The following ATP8A1 variants were observed in gnomAD, a reference collection of about 807,000 sequenced individuals.
ATP8A1 encodes ATPase phospholipid transporting 8A1.
ATP8A1 carries 90 observed loss-of-function variants against 177.7 expected under a neutral mutation model. The ratio of observed to expected loss-of-function variants is 0.51; its 90% CI spans 0.43 to 0.60. ATP8A1 has a LOEUF of 0.60. Ranked by LOEUF, ATP8A1 falls within the 20% of genes least tolerant of loss-of-function variation. ATP8A1 has a pLI of 0.00. For missense variants in ATP8A1, 1,072 were observed against 1,392.8 expected (o/e 0.77, Z 3.67); for synonymous variants, 493 against 485.9 (o/e 1.01, Z -0.19).
chr4:42,654,769 C>A (rs12502496), intron 1 of ATP8A1, among the ~76,000 whole-genome samples: 15,239 of 152,220 alleles, frequency 0.1, 1,119 homozygotes, highest in African/African-American at 0.2. Flanking sequence ...AATTGGTTGA[C>A]CCTGGGTCAG....
intron 24 of ATP8A1, among the ~76,000 whole-genome samples, chr4:42,497,235 T>C (rs774231316): frequency 2.0e-5 from 3 of 152,184 alleles, no homozygotes; most frequent in East Asian, 3.8e-4. Flanking sequence ...AAAGTCTCTA[T>C]CTGGAACTGA....
chr4:42,573,164 A>G (rs894742762), intron 14 of ATP8A1, among the ~76,000 whole-genome samples: 1 of 152,246 alleles, frequency 6.6e-6, no homozygotes, highest in African/African-American at 2.4e-5. Context: ...TTCACAATCA[A>G]TAATTACTAA....
intron 24 of ATP8A1, among the ~76,000 whole-genome samples, chr4:42,487,653 G>T (rs928979817): frequency 6.6e-6 from 1 of 151,756 alleles, no homozygotes; most frequent in Non-Finnish European, 1.5e-5. Flanking sequence ...TATATATATG[G>T]TCATTTTGTA....
intron 30 of ATP8A1, among the ~76,000 whole-genome samples, chr4:42,450,692 G>A (rs747124330): frequency 6.6e-6 from 1 of 152,162 alleles, no homozygotes; most frequent in Non-Finnish European, 1.5e-5. Flanking sequence ...TGCCTTCTTT[G>A]TAATACTCAC....
chr4:42,516,405 A>G (rs181149374), intron 22 of ATP8A1, among the ~76,000 whole-genome samples: 12 of 152,234 alleles, frequency 7.9e-5, no homozygotes, highest in African/African-American at 2.9e-4. Flanking sequence ...CATTAAAAAA[A>G]AAAGTTTCCC....
Position 42,411,228 on chromosome 4 carries a change from C to A in ATP8A1, c.*1688G>T, listed in dbSNP as rs1712566263. 1 of 152,042 alleles carries A rather than the reference C, an allele frequency of 6.6e-6. No homozygotes were observed. The highest frequency in any genetic ancestry group is 1.5e-5 in the Non-Finnish European group (1 of 68,006). 9.4% of individuals were successfully genotyped at this position (152,042 alleles called of 1,614,324 possible). On this transcript the variant is annotated 3_prime_UTR_variant, in exon 37 of 37. Coordinates refer to ENST00000381668, the MANE Select transcript of ATP8A1 (RefSeq NM_006095.2). ...CTCTTATTTGTAGAAAATGGAGAGGCATACTGGTAACTAAGGAGCTACAAA... is the reference window on the plus strand; with the variant it reads ...CTCTTATTTGTAGAAAATGGAGAGGAATACTGGTAACTAAGGAGCTACAAA...
chr4:42,425,350 T>C (rs1714472948), intron 33 of ATP8A1, among the ~76,000 whole-genome samples: 1 of 152,168 alleles, frequency 6.6e-6, no homozygotes, highest in South Asian at 2.1e-4. Context: ...ATGCTAACGA[T>C]GAATGGAGGA....
At position 42,549,067 on chromosome 4, in the gene ATP8A1, GAAGAA is replaced by G. The variant is rs1242585513; in HGVS notation, c.1603-10_1603-6del. Reference sequence around the variant, plus strand: ...ATATCTTTCTTCCTGCCCCAGCTAAGAAGAAAAGGAATATATAATTACATACAGTT... The same window carrying G: ...ATATCTTTCTTCCTGCCCCAGCTAAGAAGGAATATATAATTACATACAGTT... On this transcript the variant is annotated splice_polypyrimidine_tract_variant and splice_region_variant and intron_variant, in intron 18 of 36. Transcript: ENST00000381668. The G allele has an allele frequency of 6.2e-7, 1 of 1,605,882 alleles. No individual in the cohort carries two copies. Among genetic ancestry groups the G allele is most frequent in the Non-Finnish European group, 8.5e-7 (1 of 1,173,928 alleles).
intron 4 of ATP8A1, 141 bp from the exon 5 acceptor site, chr4:42,616,219 C>G (rs750584091): frequency 6.5e-5 from 45 of 695,914 alleles, no homozygotes; most frequent in Middle Eastern, 4.0e-4. Context: ...TTAAAGTATA[C>G]ATTGATGGAG....
intron 20 of ATP8A1, 84 bp downstream of exon 20, chr4:42,543,831 CTG>C: frequency 1.1e-6 from 1 of 938,500 alleles, no homozygotes. Context: ...TGTTAAACAT[CTG>C]TGTTACATTT....
chr4:42,497,519 G>A (rs907463090), intron 24 of ATP8A1, among the ~76,000 whole-genome samples: 1 of 152,096 alleles, frequency 6.6e-6, no homozygotes, highest in African/African-American at 2.4e-5. Flanking sequence ...CAGAAATTTA[G>A]CCAAAAATGA....
intron 25 of ATP8A1, among the ~76,000 whole-genome samples, chr4:42,470,868 T>C (rs1720319623): frequency 6.6e-6 from 1 of 152,158 alleles, no homozygotes; most frequent in Non-Finnish European, 1.5e-5. Context: ...CTGCTGTGCT[T>C]TTCTTTGCAA....
chr4:42,457,387 A>G lies in ATP8A1; in HGVS notation c.2620-1788T>C, dbSNP rs148682322. Among the ~76,000 whole-genome samples the G allele has an allele frequency of 4.8e-3, 733 of 152,312 alleles. 22 individuals are homozygous for G. Among genetic ancestry groups the G allele is most frequent in the Admixed American group, 0.043 (657 of 15,296 alleles). Reference sequence around the variant, plus strand: ...GATGGGGCTATTTTCCATGAAGGCAACTGTGATCTATTGTAGTAATTCATT... The same window carrying G: ...GATGGGGCTATTTTCCATGAAGGCAGCTGTGATCTATTGTAGTAATTCATT... On this transcript the variant is annotated intron_variant, in intron 27 of 36. Transcript: ENST00000381668.
At chr4:42,588,006 C>T (rs1485697375) in intron 8 of ATP8A1, among the ~76,000 whole-genome samples, 1 of 152,184 alleles carries the variant, frequency 6.6e-6, no homozygotes, top group Non-Finnish European at 1.5e-5. Flanking sequence ...CTACTATTAT[C>T]TGAGTGTTAG....
At chr4:42,617,587 C>T (rs562624726) in intron 4 of ATP8A1, among the ~76,000 whole-genome samples, 10 of 152,136 alleles carry the variant, frequency 6.6e-5, no homozygotes, top group Non-Finnish European at 7.4e-5. Flanking sequence ...AACAAATTTT[C>T]ATCAAAAATA....
In ATP8A1 at chr4:42,465,028, T is replaced by C; in HGVS notation, c.2373A>G (p.Gln791=). Residue 791 remains glutamine, a synonymous_variant, in exon 26 of 37, where the codon CAA becomes CAG. Coordinates refer to ENST00000381668, the MANE Select transcript of ATP8A1 (RefSeq NM_006095.2). The part of the protein sequence containing the change: ...KSEVVEMVKK[Q]VKVVTLAIGD... The stretch of plus-strand genomic sequence containing the variant: ...CGATTGCAAGCGTTACGACTTTGAC[T>C]TGTTTCTTAACCATCTCAACAACTT... 6.2e-7 allele frequency: 1 copy of C among 1,614,222 alleles called. No homozygotes were observed. Among genetic ancestry groups the C allele is most frequent in the Non-Finnish European group, 8.5e-7 (1 of 1,180,022 alleles).
At chr4:42,642,101 T>C (rs181556344) in intron 1 of ATP8A1, among the ~76,000 whole-genome samples, 3 of 152,104 alleles carry the variant, frequency 2.0e-5, no homozygotes, top group Non-Finnish European at 2.9e-5. Flanking sequence ...CACAGCAACA[T>C]ACACTGTCCA....
intron 6 of ATP8A1, among the ~76,000 whole-genome samples, chr4:42,597,422 AT>A (rs1188851891): frequency 4.0e-5 from 6 of 151,798 alleles, no homozygotes; most frequent in East Asian, 1.9e-4. Context: ...ACATAGTACT[AT>A]TTTTTTTCAC....
intron 19 of ATP8A1, among the ~76,000 whole-genome samples, chr4:42,546,862 C>T (rs1044948833): frequency 6.6e-6 from 1 of 152,232 alleles, no homozygotes; most frequent in African/African-American, 2.4e-5. Flanking sequence ...GACCCTCTCT[C>T]TGTCCTCTAC....
Sources: gnomAD v4.1 joint callset for allele counts (sites outside exome capture counted in the v4.1 genomes callset) on GRCh38, gnomAD v4.1.1 for gene constraint, MANE v1.5 for transcripts, NCBI Gene and HGNC (gene_info 2026-07-23, HGNC 2026-07-21) for gene names.